CTNNA3: variants seen among roughly 807,000 people sequenced by gnomAD.
The protein encoded by CTNNA3 is catenin alpha-3.
In CTNNA3, 76 loss-of-function variants were observed where a neutral mutation model predicts 95.7. That is an observed-to-expected ratio of 0.79 (90% CI 0.66 to 0.96). The LOEUF (loss-of-function observed/expected upper bound fraction) is 0.96, where lower values mean the gene tolerates loss of function less well. Ranked by LOEUF, CTNNA3 falls within the 40% of genes least tolerant of loss-of-function variation. CTNNA3 has a pLI of 0.00. For synonymous variants in CTNNA3, 431 were observed against 374.4 expected (o/e 1.15, Z -1.74); for missense variants, 1,191 against 1,089.8 (o/e 1.09, Z -1.31).
At chr10:67,445,337 A>G (rs1846705169) in intron 5 of CTNNA3, among the ~76,000 whole-genome samples, 1 of 152,112 alleles carries the variant, frequency 6.6e-6, no homozygotes, top group South Asian at 2.1e-4. Flanking sequence ...AAATAATATT[A>G]TTGAATATAA....
In CTNNA3 at chr10:66,486,613, C is replaced by T. The variant is rs544786337; in HGVS notation, c.1531+34004G>A. 5.3e-5 allele frequency among the ~76,000 whole-genome samples: 8 copies of T among 152,134 alleles called. No homozygotes were observed. In the South Asian group the frequency reaches 1.7e-3, roughly 32 times the overall value. ...TTCGTGGGAACGTAAAGTGCTACAG[C>T]CATTATGGAAAACAGTATAGAAGTC... is the stretch of plus-strand genomic sequence containing the variant. On this transcript the variant is annotated intron_variant, in intron 11 of 17. Coordinates refer to ENST00000433211, the MANE Select transcript of CTNNA3 (RefSeq NM_013266.4).
At chr10:66,889,017 C>T (rs938017860) in intron 7 of CTNNA3, among the ~76,000 whole-genome samples, 2 of 152,092 alleles carry the variant, frequency 1.3e-5, no homozygotes, top group African/African-American at 4.8e-5. Context: ...TATATCCAGA[C>T]AATGGAATAT....
chr10:66,658,251 CCT>C (rs199548181), intron 9 of CTNNA3, among the ~76,000 whole-genome samples: 1 of 150,022 alleles, frequency 6.7e-6, no homozygotes, highest in Non-Finnish European at 1.5e-5. Flanking sequence ...TCTCCCCCTC[CCT>C]CTCTCTCTCT....
rs2078646047 is a variant in CTNNA3 at position 65,995,879 on chromosome 10, C to A, written c.2160-7082G>T. Among the ~76,000 whole-genome samples, 4 of 152,130 alleles carry A rather than the reference C, an allele frequency of 2.6e-5. No individual in the cohort carries two copies. The South Asian group carries it at 8.3e-4, about 32-fold the overall frequency. On this transcript the variant is annotated intron_variant, in intron 15 of 17. Coordinates refer to ENST00000433211, the MANE Select transcript of CTNNA3 (RefSeq NM_013266.4). Reference sequence around the variant, plus strand: ...ATCCCCAGGTCCCTAGACAATGTGCCCAGGCATGGGTGATGTTGCCAGGCC... The same window carrying A: ...ATCCCCAGGTCCCTAGACAATGTGCACAGGCATGGGTGATGTTGCCAGGCC...
intron 15 of CTNNA3, among the ~76,000 whole-genome samples, chr10:66,058,946 A>G (rs901761687): frequency 2.0e-5 from 3 of 152,152 alleles, no homozygotes; most frequent in African/African-American, 7.2e-5. Context: ...TATTATACAT[A>G]TGGTTAGACT....
chr10:66,930,347 G>A (rs528725034), intron 7 of CTNNA3, among the ~76,000 whole-genome samples: 1 of 152,080 alleles, frequency 6.6e-6, no homozygotes, highest in Non-Finnish European at 1.5e-5. Context: ...TAATAATGCA[G>A]ATACTTCCTC....
chr10:66,091,001 C>T (rs2081191055), intron 14 of CTNNA3, among the ~76,000 whole-genome samples: 1 of 151,894 alleles, frequency 6.6e-6, no homozygotes, highest in Admixed American at 6.6e-5. Context: ...TTGCATTTGG[C>T]TTCTTTTTCT....
intron 9 of CTNNA3, among the ~76,000 whole-genome samples, chr10:66,682,583 G>A (rs1847104246): frequency 1.3e-5 from 2 of 150,908 alleles, no homozygotes; most frequent in South Asian, 2.1e-4. Flanking sequence ...CTCAATCACT[G>A]TATTTTATTA....
intron 9 of CTNNA3, among the ~76,000 whole-genome samples, chr10:66,740,212 G>C (rs554875535): frequency 2.0e-5 from 3 of 152,220 alleles, no homozygotes; most frequent in Non-Finnish European, 2.9e-5. Flanking sequence ...CAGACATGGT[G>C]AGACTTTACT....
In CTNNA3 at chr10:67,732,886, GCA is replaced by G. The variant is rs35778813; in HGVS notation, c.-2+30546_-2+30547del. ...CCTTCTCCCTCTTTCTCTCACTCAC[GCA>G]CACACACACACACACACACACACAT... On this transcript the variant is annotated intron_variant, in intron 1 of 17. Coordinates refer to the CTNNA3 transcript ENST00000684154. Among the ~76,000 whole-genome samples, 305 of 103,234 alleles carry G rather than the reference GCA, an allele frequency of 3.0e-3. 1 individual carries two copies. The highest frequency in any genetic ancestry group is 0.012 in the East Asian group (47 of 3,816). 67.7% of individuals were successfully genotyped at this position (103,234 alleles called of 152,430 possible).
chr10:66,415,418 A>C (rs2093138635), intron 11 of CTNNA3, among the ~76,000 whole-genome samples: 1 of 152,034 alleles, frequency 6.6e-6, no homozygotes, highest in Non-Finnish European at 1.5e-5. Flanking sequence ...CATGCACCAC[A>C]AGGGACCTAG....
intron 5 of CTNNA3, among the ~76,000 whole-genome samples, chr10:67,310,005 G>A (rs548140126): frequency 1.3e-5 from 2 of 152,250 alleles, no homozygotes; most frequent in South Asian, 2.1e-4. Flanking sequence ...AGGAACTTAC[G>A]TGAAGTGTCT....
intron 7 of CTNNA3, among the ~76,000 whole-genome samples, chr10:66,797,323 T>A (rs1389020006): frequency 6.6e-6 from 1 of 151,366 alleles, no homozygotes; most frequent in Non-Finnish European, 1.5e-5. Context: ...TAAACTATGG[T>A]TCCCAGGATG....
chr10:66,246,711 A>ATTGT, intron 13 of CTNNA3, among the ~76,000 whole-genome samples: 1 of 152,014 alleles, frequency 6.6e-6, no homozygotes, highest in Middle Eastern at 3.4e-3. Flanking sequence ...GACATACTGA[A>ATTGT]CAATGCATCA....
chr10:66,789,240 G>A (rs575257660), intron 7 of CTNNA3, among the ~76,000 whole-genome samples: 177 of 151,914 alleles, frequency 1.2e-3, no homozygotes, highest in African/African-American at 4.0e-3. Flanking sequence ...GCAGTGGTGC[G>A]ATCTCGGCTC....
chr10:65,930,965 A>G (rs948061646), intron 17 of CTNNA3, among the ~76,000 whole-genome samples: 8 of 152,204 alleles, frequency 5.3e-5, no homozygotes, highest in African/African-American at 1.9e-4. Context: ...TGTTTATATA[A>G]AGAATATGGT....
intron 7 of CTNNA3, among the ~76,000 whole-genome samples, chr10:66,785,967 A>T (rs1840723938): frequency 6.6e-6 from 1 of 151,970 alleles, no homozygotes; most frequent in African/African-American, 2.4e-5. Flanking sequence ...GGAGGAGGAG[A>T]GTAGGGTTGA....
intron 5 of CTNNA3, among the ~76,000 whole-genome samples, chr10:67,487,185 G>A (rs994490901): frequency 1.6e-4 from 24 of 152,144 alleles, no homozygotes; most frequent in South Asian, 1.0e-3. Context: ...AAAAGCCTGC[G>A]AAAGTGTCAG....
chr10:66,195,954 T>C (rs1474592081), intron 13 of CTNNA3, among the ~76,000 whole-genome samples: 1 of 152,122 alleles, frequency 6.6e-6, no homozygotes, highest in African/African-American at 2.4e-5. Context: ...AATTGTTTCT[T>C]AGCTACACAC....
Sources: gnomAD v4.1 joint callset for allele counts (sites outside exome capture counted in the v4.1 genomes callset) on GRCh38, gnomAD v4.1.1 for gene constraint, MANE v1.5 for transcripts, NCBI Gene and HGNC (gene_info 2026-07-23, HGNC 2026-07-21) for gene names.